Variants in WLS observed in about 807,000 individuals in gnomAD.
The protein encoded by WLS is Wnt ligand secretion mediator.
A neutral mutation model predicts 62.8 loss-of-function variants in WLS; 23 were observed. That is an observed-to-expected ratio of 0.37 (90% CI 0.26 to 0.52). WLS has a LOEUF of 0.52. WLS is among the 20% of genes least tolerant of loss of function. The pLI is 0.92. For synonymous variants in WLS, 246 were observed against 244.1 expected (o/e 1.01, Z -0.07); for missense variants, 615 against 697.3 (o/e 0.88, Z 1.33).
At chr1:68,108,705 A>G (rs1263028669) in intron 11 of WLS, among the ~76,000 whole-genome samples, 1 of 152,212 alleles carries the variant, frequency 6.6e-6, no homozygotes, top group African/African-American at 2.4e-5. Context: ...TTAATTTAAT[A>G]GCCACATGGA....
chr1:68,144,066 A>T (rs899440276), intron 10 of WLS, among the ~76,000 whole-genome samples: 2 of 152,238 alleles, frequency 1.3e-5, no homozygotes, highest in African/African-American at 4.8e-5. Flanking sequence ...TGAATATTTT[A>T]AAATGATTGT....
At chr1:68,145,837 C>A (rs768116244) in intron 9 of WLS, 32 bp downstream of exon 9, 1 of 1,612,872 alleles carries the variant, frequency 6.2e-7, no homozygotes, top group South Asian at 1.1e-5. Flanking sequence ...AAGCAAGCAC[C>A]AGTTCCAGAA....
chr1:68,184,837 C>A (rs1297499680), intron 2 of WLS, among the ~76,000 whole-genome samples: 2 of 152,184 alleles, frequency 1.3e-5, no homozygotes, highest in African/African-American at 4.8e-5. Flanking sequence ...CTATGAGTCT[C>A]TAGATTTTCT....
intron 11 of WLS, among the ~76,000 whole-genome samples, chr1:68,111,082 A>G (rs1557446670): frequency 1.3e-5 from 2 of 152,206 alleles, no homozygotes; most frequent in Non-Finnish European, 2.9e-5. Context: ...AAACATAAGG[A>G]ATTCATATCT....
intron 1 of WLS, among the ~76,000 whole-genome samples, chr1:68,224,352 C>A (rs1222408643): frequency 1.3e-5 from 2 of 152,180 alleles, no homozygotes; most frequent in Non-Finnish European, 2.9e-5. Flanking sequence ...AAAAGACAGT[C>A]TCATATATTT....
chr1:68,105,809 A>G (rs1298836687), intron 11 of WLS, among the ~76,000 whole-genome samples: 1 of 152,182 alleles, frequency 6.6e-6, no homozygotes, highest in Non-Finnish European at 1.5e-5. Context: ...GGCTGCATCC[A>G]GGGAAAACAT....
intron 2 of WLS, chr1:68,162,813 T>C: frequency 8.0e-7 from 1 of 1,249,906 alleles, no homozygotes; most frequent in Non-Finnish European, 1.2e-6. Context: ...CCTTAAACTT[T>C]TCTAGGTCCT....
At chr1:68,184,684 T>A (rs1647803592) in intron 2 of WLS, among the ~76,000 whole-genome samples, 1 of 152,210 alleles carries the variant, frequency 6.6e-6, no homozygotes, top group Non-Finnish European at 1.5e-5. Flanking sequence ...CATGTTTACA[T>A]CCTGACAAAT....
chr1:68,217,990 C>T (rs2100656577), intron 1 of WLS, among the ~76,000 whole-genome samples: 1 of 152,254 alleles, frequency 6.6e-6, no homozygotes, highest in Non-Finnish European at 1.5e-5. Flanking sequence ...AATGAATTTC[C>T]CATGGTTCAA....
At chr1:68,118,380 C>T (rs925784421) in intron 11 of WLS, among the ~76,000 whole-genome samples, 12 of 152,344 alleles carry the variant, frequency 7.9e-5, no homozygotes, top group Admixed American at 3.3e-4. Flanking sequence ...ATGCGGGCCA[C>T]AGCCTCTCTC....
intron 11 of WLS, among the ~76,000 whole-genome samples, chr1:68,107,772 A>G (rs1004928515): frequency 1.3e-5 from 2 of 152,140 alleles, no homozygotes; most frequent in Admixed American, 1.3e-4. Flanking sequence ...CATGTTACAC[A>G]GAAGGGAAAT....
At chr1:68,167,253 A>G (rs1647073014) in intron 2 of WLS, among the ~76,000 whole-genome samples, 1 of 152,250 alleles carries the variant, frequency 6.6e-6, no homozygotes, top group Non-Finnish European at 1.5e-5. Context: ...TTTCAGGAAC[A>G]TGGAGCTTCC....
At chr1:68,121,600 A>C (rs1312073314), downstream of WLS, among the ~76,000 whole-genome samples, 1 of 152,208 alleles carries the variant, frequency 6.6e-6, no homozygotes, top group Non-Finnish European at 1.5e-5. Flanking sequence ...GACAGCCTGC[A>C]GAAGTCAGAT....
Position 68,150,257 on chromosome 1 carries a change from G to A in WLS, c.903C>T (p.Asp301=), listed in dbSNP as rs376445461. ...TCGCATAGAAGATGCCCTGTCGGAT[G>A]TCACCAAACAGCAGCATCCAGGTCC... is the stretch of plus-strand genomic sequence containing the variant. The part of the protein sequence containing the change: ...FDWTWMLLFG[D]IRQGIFYAML... Residue 301 remains aspartate (D), a synonymous_variant, in exon 6 of 12, where the codon GAC becomes GAT. Transcript: ENST00000262348. 31 of 1,614,206 alleles carry A rather than the reference G, an allele frequency of 1.9e-5. No individual in the cohort carries two copies. The African/African-American group carries it at 3.9e-4, about 20-fold the overall frequency.
Position 68,137,730 on chromosome 1 carries a change from A to G in WLS, c.1516+50T>C, listed in dbSNP as rs202246168. The stretch of plus-strand genomic sequence containing the variant: ...TTAGCCATTTAAATCTTGTAAAGAC[A>G]GAAGCCTATTTATCCTGACTTAAGC... On this transcript the variant is annotated intron_variant, in intron 11 of 11. Coordinates refer to ENST00000262348, the MANE Select transcript of WLS (RefSeq NM_024911.7). 3.0e-4 allele frequency: 476 copies of G among 1,573,610 alleles called. 2 individuals carry two copies. The African/African-American group carries it at 5.3e-3, about 18-fold the overall frequency.
intron 11 of WLS, among the ~76,000 whole-genome samples, chr1:68,110,651 ATCTCTGTCTCTCTCTC>A (rs145183587): frequency 0.31 from 38,601 of 126,076 alleles, 5,745 homozygotes; most frequent in Middle Eastern, 0.4. Context: ...GCCCCCAAAA[ATCTCTGTCTCTCTCTC>A]TCTCTCTCTC....
At chr1:68,151,944 G>A (rs1430758) in intron 5 of WLS, among the ~76,000 whole-genome samples, 30,536 of 152,124 alleles carry the variant, frequency 0.2, 3,351 homozygotes, top group African/African-American at 0.28. Flanking sequence ...AAGGGGTTGC[G>A]AGGCTGTTCC....
chr1:68,169,154 C>T (rs1647108833), intron 2 of WLS, among the ~76,000 whole-genome samples: 1 of 152,196 alleles, frequency 6.6e-6, no homozygotes, highest in African/African-American at 2.4e-5. Context: ...AAACTGGTTC[C>T]TTGCTGTATT....
At chr1:68,128,631 T>C (rs544786254) in intron 11 of WLS, among the ~76,000 whole-genome samples, 129 of 152,362 alleles carry the variant, frequency 8.5e-4, no homozygotes, top group Middle Eastern at 6.8e-3. Flanking sequence ...TAGCAGATCT[T>C]AGAATATGCA....
Sources: allele counts gnomAD v4.1 joint callset (sites outside exome capture counted in the v4.1 genomes callset), GRCh38; gene constraint gnomAD v4.1.1; transcripts MANE v1.5; gene names NCBI Gene and HGNC (gene_info 2026-07-23, HGNC 2026-07-21).